Variants in SP4 observed in about 807,000 individuals in gnomAD.
SP4 encodes transcription factor Sp4.
A neutral mutation model predicts 72.8 loss-of-function variants in SP4; 19 were observed. The observed-to-expected ratio is 0.26, with a 90% CI of 0.18 to 0.38. SP4 has a LOEUF of 0.38. Among genes scored for constraint, SP4 ranks in the 10% least tolerant of loss-of-function variants. The pLI is 1.00. For synonymous variants in SP4, 395 were observed against 333.1 expected, an observed-to-expected ratio of 1.19 and a Z score of -2.02; for missense variants, 1,008 against 926.3, an observed-to-expected ratio of 1.09 and a Z score of -1.14.
chr7:21,503,897 A>G (rs1781929171), intron 5 of SP4, among the ~76,000 whole-genome samples: 1 of 152,202 alleles, frequency 6.6e-6, no homozygotes, highest in African/African-American at 2.4e-5. Flanking sequence ...ATTGTATCAC[A>G]CAAAGCCTGG....
chr7:21,493,213 T>C (rs998900878), intron 5 of SP4, among the ~76,000 whole-genome samples: 1 of 124,436 alleles, frequency 8.0e-6, no homozygotes, highest in African/African-American at 3.1e-5. Flanking sequence ...AAAAAAAAAA[T>C]CATACGAAGT....
In SP4 at chr7:21,511,325, A is replaced by G; in HGVS notation, c.*56A>G. ...TGCACTTGTTTACACACCTTTGAAA[A>G]TCTGGAAATGGGCTGGTCAAGTGGA... On this transcript the variant is annotated 3_prime_UTR_variant, in exon 6 of 6. Transcript: ENST00000222584. The G allele has an allele frequency of 6.5e-7, 1 of 1,540,166 alleles. No individual in the cohort carries two copies. Among genetic ancestry groups the G allele is most frequent in the Non-Finnish European group, 8.8e-7 (1 of 1,131,324 alleles).
In SP4 at chr7:21,430,858, C is replaced by A. The variant is rs763437007; in HGVS notation, c.1678+15C>A. On this transcript the variant is annotated intron_variant, in intron 3 of 5. Transcript: ENST00000222584. Reference sequence around the variant, plus strand: ...TAGTGTTGCAGGTAAGTTCTGACATCTTTTTAAGTACCTTTTAAATAGTTT... The same window carrying A: ...TAGTGTTGCAGGTAAGTTCTGACATATTTTTAAGTACCTTTTAAATAGTTT... The A allele has an allele frequency of 6.5e-7, 1 of 1,542,138 alleles. No homozygotes were observed. The highest frequency in any genetic ancestry group is 1.2e-5 in the South Asian group (1 of 86,152).
chr7:21,501,810 C>T (rs1781868652), intron 5 of SP4, among the ~76,000 whole-genome samples: 1 of 152,332 alleles, frequency 6.6e-6, no homozygotes, highest in East Asian at 1.9e-4. Context: ...CATACGCCCC[C>T]TTTTTCTGCT....
At chr7:21,489,744 A>C (rs1784923836) in intron 5 of SP4, among the ~76,000 whole-genome samples, 1 of 151,808 alleles carries the variant, frequency 6.6e-6, no homozygotes, top group South Asian at 2.1e-4. Flanking sequence ...TATTTTTAGT[A>C]GAGATGGGGT....
intron 2 of SP4, among the ~76,000 whole-genome samples, 156 bp from the exon 3 acceptor site, chr7:21,429,133 T>C (rs1013013593): frequency 1.3e-5 from 2 of 152,200 alleles, no homozygotes; most frequent in African/African-American, 4.8e-5. Context: ...ATAGTTCTTA[T>C]CTACTTTTGT....
chr7:21,435,458 A>AT (rs1245413759), intron 3 of SP4, among the ~76,000 whole-genome samples: 1 of 152,246 alleles, frequency 6.6e-6, no homozygotes, highest in Non-Finnish European at 1.5e-5. Flanking sequence ...ATCCAGTAAA[A>AT]TTAACTTCTT....
At chr7:21,441,444 C>T (rs1294621514) in intron 3 of SP4, among the ~76,000 whole-genome samples, 1 of 152,162 alleles carries the variant, frequency 6.6e-6, no homozygotes, top group African/African-American at 2.4e-5. Context: ...CCTGCATCAG[C>T]CACACAAGTG....
intron 3 of SP4, among the ~76,000 whole-genome samples, chr7:21,468,205 A>G (rs1366671545): frequency 6.6e-6 from 1 of 152,138 alleles, no homozygotes; most frequent in Non-Finnish European, 1.5e-5. Flanking sequence ...TATTTTAATT[A>G]CTGTAGCTAC....
chr7:21,480,711 A>G (rs1478986856), intron 4 of SP4, among the ~76,000 whole-genome samples: 1 of 152,196 alleles, frequency 6.6e-6, no homozygotes, highest in Non-Finnish European at 1.5e-5. Context: ...AAGGTTCTTC[A>G]CAGCCTCTTT....
rs1782156779 is a variant in SP4, at chr7:21,512,017, T to G, written c.*748T>G. The G allele has an allele frequency of 6.6e-6, 1 of 152,570 alleles. No homozygotes were observed. The highest frequency in any genetic ancestry group is 2.4e-5 in the African/African-American group (1 of 41,438). 9.5% of individuals were successfully genotyped at this position (152,570 alleles called of 1,614,324 possible). A position where few individuals can be genotyped will look rare whatever the true frequency, so the allele number is the denominator to read the frequency against. The stretch of plus-strand genomic sequence containing the variant: ...GGGAAAAAAATGGTTAAAACAAAAC[T>G]CATCATAGCTTCAGAAAAATAAAAT... On this transcript the variant is annotated 3_prime_UTR_variant, in exon 6 of 6. Transcript: ENST00000222584.
At chr7:21,465,088 T>A (rs944171419) in intron 3 of SP4, among the ~76,000 whole-genome samples, 9 of 152,162 alleles carry the variant, frequency 5.9e-5, no homozygotes, top group Non-Finnish European at 8.8e-5. Context: ...AAGGATTTCC[T>A]CAACATAAAC....
intron 3 of SP4, among the ~76,000 whole-genome samples, chr7:21,457,529 G>C (rs993219532): frequency 6.6e-6 from 1 of 152,038 alleles, no homozygotes; most frequent in Admixed American, 6.6e-5. Context: ...TACATTTATA[G>C]TTTTTACTAT....
chr7:21,485,328 C>G (rs892683883), intron 5 of SP4, among the ~76,000 whole-genome samples: 1 of 151,686 alleles, frequency 6.6e-6, no homozygotes, highest in African/African-American at 2.4e-5. Flanking sequence ...GATCTGTTTG[C>G]TTTTTAAAAA....
chr7:21,452,828 G>A (rs952940709), intron 3 of SP4, among the ~76,000 whole-genome samples: 1 of 150,674 alleles, frequency 6.6e-6, no homozygotes, highest in African/African-American at 2.4e-5. Context: ...TGTCACCCAG[G>A]CTGGAGTGCA....
intron 3 of SP4, among the ~76,000 whole-genome samples, chr7:21,460,897 G>A (rs989270915): frequency 3.3e-5 from 5 of 151,980 alleles, no homozygotes; most frequent in African/African-American, 9.7e-5. Flanking sequence ...ACAGAGTGCC[G>A]ATTGGTGCAT....
At chr7:21,458,252 G>T (rs1204692452) in intron 3 of SP4, among the ~76,000 whole-genome samples, 2 of 152,150 alleles carry the variant, frequency 1.3e-5, no homozygotes, top group Non-Finnish European at 2.9e-5. Context: ...GAGTGCAATG[G>T]CACAGTCTTG....
rs1782215876 is a variant in SP4, at chr7:21,514,368, C to T, written c.*3099C>T. 6.6e-6 allele frequency: 1 copy of T among 152,234 alleles called. No individual in the cohort carries two copies. 9.4% of individuals were successfully genotyped at this position (152,234 alleles called of 1,614,324 possible). On this transcript the variant is annotated 3_prime_UTR_variant, in exon 6 of 6. Coordinates refer to ENST00000222584, the MANE Select transcript of SP4 (RefSeq NM_003112.5). ...TAATGCCTTGTGGTGTTTTTTTATGCATGTCACTAAGTTGTCATCCCACAT... is the reference window on the plus strand; with the variant it reads ...TAATGCCTTGTGGTGTTTTTTTATGTATGTCACTAAGTTGTCATCCCACAT...
chr7:21,474,420 C>T (rs972219119), intron 3 of SP4, among the ~76,000 whole-genome samples: 8 of 152,208 alleles, frequency 5.3e-5, no homozygotes, highest in Admixed American at 3.9e-4. Flanking sequence ...CTTGTTCAGA[C>T]AGTACTCTCA....
Sources: gnomAD v4.1 joint callset for allele counts (sites outside exome capture counted in the v4.1 genomes callset) on GRCh38, gnomAD v4.1.1 for gene constraint, MANE v1.5 for transcripts, NCBI Gene and HGNC (gene_info 2026-07-23, HGNC 2026-07-21) for gene names.